Variants in FXR1 observed in about 807,000 individuals in gnomAD.
FXR1 encodes RNA-binding protein FXR1.
Under a neutral mutation model 84.0 loss-of-function variants are expected in FXR1, and 15 were observed. The observed-to-expected ratio is 0.18, with a 90% CI of 0.12 to 0.27. The LOEUF (loss-of-function observed/expected upper bound fraction) is 0.27, where lower values mean the gene tolerates loss of function less well. Ranked by LOEUF, FXR1 falls within the 10% of genes least tolerant of loss-of-function variation. The probability of loss-of-function intolerance (pLI) is 1.00; values close to 1 mark genes in which losing one functional copy is unlikely to be tolerated. For synonymous variants in FXR1, 245 were observed against 250.7 expected, an observed-to-expected ratio of 0.98 and a Z score of 0.21; for missense variants, 480 against 774.4, an observed-to-expected ratio of 0.62 and a Z score of 4.51.
At chr3:180,920,275 T>C (rs1805586) in intron 1 of FXR1, among the ~76,000 whole-genome samples, 1 of 152,202 alleles carries the variant, frequency 6.6e-6, no homozygotes, top group African/African-American at 2.4e-5. Context: ...TTAAATTTTG[T>C]TGATATATGT....
At chr3:180,926,506 A>ATATATATATATTTTTTT (rs72192827) in intron 1 of FXR1, among the ~76,000 whole-genome samples, 1 of 124,390 alleles carries the variant, frequency 8.0e-6, no homozygotes, top group Non-Finnish European at 1.7e-5. Flanking sequence ...ATATATATAT[A>ATATATATATATTTTTTT]TTTTTTTTTC....
At chr3:180,973,609 T>C (rs1713855057) in intron 15 of FXR1, among the ~76,000 whole-genome samples, 1 of 152,226 alleles carries the variant, frequency 6.6e-6, no homozygotes, top group South Asian at 2.1e-4. Flanking sequence ...TGTAAACTCT[T>C]TTTAATGTAG....
chr3:180,952,849 A>G (rs867927330), intron 8 of FXR1, among the ~76,000 whole-genome samples: 1 of 124,156 alleles, frequency 8.1e-6, no homozygotes, highest in African/African-American at 3.1e-5. Flanking sequence ...TTTTTTTTTT[A>G]AAGAGACAGG....
At chr3:180,959,826 C>G (rs1711860637) in intron 10 of FXR1, among the ~76,000 whole-genome samples, 1 of 152,116 alleles carries the variant, frequency 6.6e-6, no homozygotes, top group African/African-American at 2.4e-5. Context: ...ATATCCCTAG[C>G]ACTTGCCCTG....
At chr3:180,928,226 G>A (rs1330833068) in intron 1 of FXR1, among the ~76,000 whole-genome samples, 1 of 148,636 alleles carries the variant, frequency 6.7e-6, no homozygotes, top group Non-Finnish European at 1.5e-5. Context: ...TTCCCCATTT[G>A]TAAATTCCTA....
At chr3:180,927,617 C>T in intron 1 of FXR1, 2 of 589,392 alleles carry the variant, frequency 3.4e-6, no homozygotes, top group Admixed American at 6.6e-5. Context: ...ATAAAGTAAG[C>T]AGATATCCTG....
At chr3:180,975,508 TAGAC>T in intron 16 of FXR1, 104 bp downstream of exon 16, 1 of 501,302 alleles carries the variant, frequency 2.0e-6, no homozygotes, top group Non-Finnish European at 3.6e-6. Flanking sequence ...TTTCCACAAA[TAGAC>T]AATACTATTT....
chr3:180,972,275 CAG>C (rs1176616577), intron 15 of FXR1, among the ~76,000 whole-genome samples: 1 of 152,022 alleles, frequency 6.6e-6, no homozygotes, highest in African/African-American at 2.4e-5. Context: ...CCAGCTTGGG[CAG>C]TGGGATCCTG....
chr3:180,951,550 T>A, intron 8 of FXR1, 82 bp downstream of exon 8: 1 of 1,020,116 alleles, frequency 9.8e-7, no homozygotes, highest in Non-Finnish European at 1.4e-6. Flanking sequence ...AATTCCAGTT[T>A]CCCATGAAAC....
intron 11 of FXR1, 150 bp from the exon 12 acceptor site, chr3:180,962,733 C>T (rs925772862): frequency 3.2e-6 from 2 of 625,920 alleles, no homozygotes; most frequent in Non-Finnish European, 5.7e-6. Context: ...CAAATGACCT[C>T]ATCAATTCTG....
intron 1 of FXR1, among the ~76,000 whole-genome samples, chr3:180,923,721 ACCT>A (rs1173475406): frequency 1.3e-5 from 2 of 152,002 alleles, no homozygotes; most frequent in Non-Finnish European, 2.9e-5. Flanking sequence ...AAGAATCTTC[ACCT>A]CCTTTATTTT....
intron 5 of FXR1, 36 bp from the exon 6 acceptor site, chr3:180,948,685 T>C: frequency 8.9e-7 from 1 of 1,126,600 alleles, no homozygotes; most frequent in Non-Finnish European, 1.4e-6. Flanking sequence ...TTTAATCTGT[T>C]ATTGAGTTCT....
chr3:180,946,851 T>C (rs1476284521), intron 3 of FXR1, among the ~76,000 whole-genome samples: 2 of 152,172 alleles, frequency 1.3e-5, no homozygotes, highest in African/African-American at 4.8e-5. Flanking sequence ...GGACAGTCAA[T>C]CTTGGTTTTT....
chr3:180,981,403 C>G lies in FXR1; in HGVS notation c.*5111C>G, dbSNP rs1274201998. ...AAGTACTCTCATCATTTGGAAAATACTTGATGGCAGGAGAACTTGCTTAAA... is the reference window on the plus strand; with the variant it reads ...AAGTACTCTCATCATTTGGAAAATAGTTGATGGCAGGAGAACTTGCTTAAA... On this transcript the variant is annotated 3_prime_UTR_variant, in exon 17 of 17. Transcript: ENST00000357559. The G allele has an allele frequency of 6.6e-6, 1 of 151,964 alleles. No individual in the cohort carries two copies. The highest frequency in any genetic ancestry group is 1.5e-5 in the Non-Finnish European group (1 of 67,922). 9.4% of individuals were successfully genotyped at this position (151,964 alleles called of 1,614,324 possible). A position where few individuals can be genotyped will look rare whatever the true frequency, so the allele number is the denominator to read the frequency against.
At chr3:180,944,444 C>G (rs1442787573) in intron 3 of FXR1, among the ~76,000 whole-genome samples, 1 of 151,692 alleles carries the variant, frequency 6.6e-6, no homozygotes, top group African/African-American at 2.4e-5. Flanking sequence ...CCTCAGCCTC[C>G]CAAGTAGCTG....
chr3:180,917,662 A>T (rs1450127374), intron 1 of FXR1, among the ~76,000 whole-genome samples: 1 of 152,054 alleles, frequency 6.6e-6, no homozygotes, highest in African/African-American at 2.4e-5. Context: ...TAAAAAGTCA[A>T]CTTAGGCCGG....
chr3:180,975,671 T>G (rs1035020317), intron 16 of FXR1, among the ~76,000 whole-genome samples: 1 of 152,186 alleles, frequency 6.6e-6, no homozygotes, highest in African/African-American at 2.4e-5. Context: ...ATTGCCTAAT[T>G]CAGGAGCAAT....
Position 180,977,653 on chromosome 3 carries a change from T to G in FXR1, c.*1361T>G, listed in dbSNP as rs183888010. 2.6e-4 allele frequency: 40 copies of G among 152,236 alleles called. 1 individual carries two copies. Among genetic ancestry groups the G allele is most frequent in the African/African-American group, 9.4e-4 (39 of 41,582 alleles). 9.4% of individuals were successfully genotyped at this position (152,236 alleles called of 1,614,324 possible). A position where few individuals can be genotyped will look rare whatever the true frequency, so the allele number is the denominator to read the frequency against. ...ACAGCTAATTGTGAGGTCAAGTAAT[T>G]GTTAGACATAGGGGAAGGCTTTGTT... On this transcript the variant is annotated 3_prime_UTR_variant, in exon 17 of 17. Coordinates refer to ENST00000357559, the MANE Select transcript of FXR1 (RefSeq NM_005087.4).
Position 180,979,316 on chromosome 3 carries a change from G to C in FXR1, c.*3024G>C, listed in dbSNP as rs751963616. On this transcript the variant is annotated 3_prime_UTR_variant, in exon 17 of 17. Transcript: ENST00000357559. ...AAACATGGAAAACAGGCTATGTCCA[G>C]GGACAGATGATTGGTGGTTAAGAAT... The C allele has an allele frequency of 6.6e-6, 1 of 152,086 alleles. No homozygotes were observed. The highest frequency in any genetic ancestry group is 1.5e-5 in the Non-Finnish European group (1 of 67,970). 9.4% of individuals were successfully genotyped at this position (152,086 alleles called of 1,614,324 possible).
Sources: gnomAD v4.1 joint callset for allele counts (sites outside exome capture counted in the v4.1 genomes callset) on GRCh38, gnomAD v4.1.1 for gene constraint, MANE v1.5 for transcripts, NCBI Gene and HGNC (gene_info 2026-07-23, HGNC 2026-07-21) for gene names.